The following SERAC1 variants were observed in gnomAD, a reference collection of about 807,000 sequenced individuals.
SERAC1 encodes protein SERAC1.
In SERAC1, 36 loss-of-function variants were observed where a neutral mutation model predicts 85.7. The ratio of observed to expected loss-of-function variants is 0.42; its 90% CI spans 0.32 to 0.55. The LOEUF (loss-of-function observed/expected upper bound fraction) is 0.55. SERAC1 is among the 20% of genes least tolerant of loss of function. SERAC1 has a pLI of 0.11. For synonymous variants in SERAC1, 242 were observed against 265.3 expected, an observed-to-expected ratio of 0.91 and a Z score of 0.85; for missense variants, 629 against 796.2, an observed-to-expected ratio of 0.79 and a Z score of 2.53.
chr6:158,147,768 C>CAAAAAAAAAAAAAAAAAAAAAAAAA (rs71027383), intron 5 of SERAC1, among the ~76,000 whole-genome samples: 1 of 68,934 alleles, frequency 1.5e-5, no homozygotes. Context: ...GGCTCTGTCT[C>CAAAAAAAAAAAAAAAAAAAAAAAAA]AAAAAAAAAA....
At chr6:158,154,198 C>T (rs1485552478) in intron 3 of SERAC1, among the ~76,000 whole-genome samples, 22 of 149,022 alleles carry the variant, frequency 1.5e-4, no homozygotes, top group Non-Finnish European at 2.5e-4. Context: ...CTGCTCTCTT[C>T]GGGATGTATC....
At position 158,116,344 on chromosome 6, in the gene SERAC1, A is replaced by C. The variant is rs1397321892; in HGVS notation, c.1404-62T>G. On this transcript the variant is annotated intron_variant, in intron 13 of 16. Coordinates refer to ENST00000647468, the MANE Select transcript of SERAC1 (RefSeq NM_032861.4). Reference sequence around the variant, plus strand: ...TATCGATCCCCTCAATTTGCTGTCTAATTTTTAGAGTTAAGAACTTTAGTC... The same window carrying C: ...TATCGATCCCCTCAATTTGCTGTCTCATTTTTAGAGTTAAGAACTTTAGTC... The C allele has an allele frequency of 2.9e-6, 4 of 1,361,864 alleles. No individual in the cohort carries two copies. In the East Asian group the frequency reaches 9.2e-5, roughly 31 times the overall value. The allele number at this position is 1,361,864 out of a possible 1,614,324, so 84.4% of individuals were successfully genotyped here.
intron 3 of SERAC1, among the ~76,000 whole-genome samples, chr6:158,153,379 G>A (rs1303853717): frequency 3.3e-5 from 5 of 152,094 alleles, no homozygotes; most frequent in Non-Finnish European, 5.9e-5. Flanking sequence ...TATTGAGAAC[G>A]TTTCTAGTTT....
chr6:158,121,744 T>C (rs138388488), intron 10 of SERAC1, among the ~76,000 whole-genome samples: 127 of 152,304 alleles, frequency 8.3e-4, no homozygotes, highest in African/African-American at 2.8e-3. Flanking sequence ...AAAAATTATA[T>C]CTATAGAGAT....
rs543967244 is a variant in SERAC1 at position 158,144,355 on chromosome 6, C to T, written c.553G>A (p.Glu185Lys). 16 of 1,613,460 alleles carry T rather than the reference C, an allele frequency of 9.9e-6. No homozygotes were observed. The highest frequency in any genetic ancestry group is 6.7e-5 in the African/African-American group (5 of 75,024). ...AGAAAAAAGCGAAGATCACTCTCTT[C>T]GCTTCGTGCCAAACCAATAAGAGTT... ...PKTLIGLARS[E>K]ESDLRFFLLP... The change falls in exon 7 of 17, where the codon GAA (glutamate) becomes AAA (lysine). Residue 185 changes from glutamate to lysine, a missense_variant. Physicochemically the swap from Glu to Lys is moderately conservative, Grantham distance 56. Transcript: ENST00000647468.
At chr6:158,116,411 C>G in intron 13 of SERAC1, 129 bp from the exon 14 acceptor site, 1 of 668,072 alleles carries the variant, frequency 1.5e-6, no homozygotes, top group East Asian at 2.8e-5. Context: ...GTAAGAAATA[C>G]CCCCATTCTC....
At chr6:158,123,318 C>T (rs1784462721) in intron 10 of SERAC1, among the ~76,000 whole-genome samples, 1 of 152,162 alleles carries the variant, frequency 6.6e-6, no homozygotes, top group Admixed American at 6.5e-5. Context: ...GTATACATTC[C>T]TGAGACTGTG....
At chr6:158,125,719 T>G (rs915466456) in intron 10 of SERAC1, among the ~76,000 whole-genome samples, 1 of 152,098 alleles carries the variant, frequency 6.6e-6, no homozygotes, top group Non-Finnish European at 1.5e-5. Flanking sequence ...ATAACAATGA[T>G]AATGTATTGT....
chr6:158,131,550 A>G (rs778312154), intron 8 of SERAC1, among the ~76,000 whole-genome samples: 10 of 151,248 alleles, frequency 6.6e-5, no homozygotes, highest in Non-Finnish European at 1.0e-4. Flanking sequence ...TCATAATGAG[A>G]GGCGTGCACA....
rs1486031208 is a variant in SERAC1 at position 158,120,646 on chromosome 6, A to C, written c.1016-71T>G. 6.6e-6 allele frequency: 10 copies of C among 1,514,086 alleles called. No individual in the cohort carries two copies. Among genetic ancestry groups the C allele is most frequent in the African/African-American group, 1.4e-5 (1 of 71,642 alleles). 93.8% of individuals were successfully genotyped at this position (1,514,086 alleles called of 1,614,324 possible). A position where few individuals can be genotyped will look rare whatever the true frequency, so the allele number is the denominator to read the frequency against. ...CAGACCACAGAGAGAGTGAGGTTTC[A>C]AACTGAATATGATGGGAGAAAGGCA... On this transcript the variant is annotated intron_variant, in intron 10 of 16. Coordinates refer to ENST00000647468, the MANE Select transcript of SERAC1 (RefSeq NM_032861.4). The surrounding 1 kb of genome is among the most constrained non-coding windows in gnomAD (Gnocchi z 4.4).
intron 3 of SERAC1, 70 bp from the exon 4 acceptor site, chr6:158,150,659 A>C: frequency 8.7e-7 from 1 of 1,149,342 alleles, no homozygotes; most frequent in South Asian, 1.3e-5. Flanking sequence ...ACTCTTCTCT[A>C]TTAAGCTTGT....
At chr6:158,125,060 C>T (rs1351017334) in intron 10 of SERAC1, among the ~76,000 whole-genome samples, 3 of 152,106 alleles carry the variant, frequency 2.0e-5, no homozygotes, top group Admixed American at 6.6e-5. Context: ...AAATGTCACA[C>T]GACTGTTCCT....
chr6:158,118,970 A>G (rs1784356913), intron 12 of SERAC1, 59 bp downstream of exon 12: 2 of 1,563,184 alleles, frequency 1.3e-6, no homozygotes, highest in South Asian at 1.2e-5. Flanking sequence ...GCAAGCCACA[A>G]TCAGGGCCCC....
At position 158,120,680 on chromosome 6, in the gene SERAC1, G is replaced by A. The variant is rs992762200; in HGVS notation, c.1016-105C>T. 13 of 1,246,466 alleles carry A rather than the reference G, an allele frequency of 1.0e-5. No homozygotes were observed. The highest frequency in any genetic ancestry group is 4.5e-5 in the South Asian group (3 of 66,650). The allele number at this position is 1,246,466 out of a possible 1,614,324, so 77.2% of individuals were successfully genotyped here. ...ATGATGGGAGAAAGGCAAACCTTGC[G>A]TGTCTGTCCTTGGCGGAGAAGTCCG... On this transcript the variant is annotated intron_variant, in intron 10 of 16. Transcript: ENST00000647468. This position sits in a 1 kb window ranked among gnomAD's most constrained non-coding sequence, Gnocchi z 4.4.
At position 158,148,787 on chromosome 6, in the gene SERAC1, A is replaced by G. The variant is rs1223499609; in HGVS notation, c.355+78T>C. ...ATAAAAAATATTAGTATAAGAAATGAAAAAAAGTATCAGGTTGATCATTCC... is the reference window on the plus strand; with the variant it reads ...ATAAAAAATATTAGTATAAGAAATGGAAAAAAGTATCAGGTTGATCATTCC... On this transcript the variant is annotated intron_variant, in intron 5 of 16. Coordinates refer to ENST00000647468, the MANE Select transcript of SERAC1 (RefSeq NM_032861.4). 11 of 1,047,896 alleles carry G rather than the reference A, an allele frequency of 1.0e-5. No individual in the cohort carries two copies. The East Asian group carries it at 2.8e-4, about 27-fold the overall frequency. 64.9% of individuals were successfully genotyped at this position (1,047,896 alleles called of 1,614,324 possible). A position where few individuals can be genotyped will look rare whatever the true frequency, so the allele number is the denominator to read the frequency against.
chr6:158,130,660 T>C (rs186381939), intron 8 of SERAC1, among the ~76,000 whole-genome samples, 174 bp from the exon 9 acceptor site: 1 of 152,288 alleles, frequency 6.6e-6, no homozygotes, highest in African/African-American at 2.4e-5. Flanking sequence ...GTTATCAGAA[T>C]AGAAAACATA....
At chr6:158,143,283 A>C in intron 7 of SERAC1, 99 bp from the exon 8 acceptor site, 1 of 1,356,026 alleles carries the variant, frequency 7.4e-7, no homozygotes, top group East Asian at 2.4e-5. Context: ...ATATATATCA[A>C]AGCCATATAT....
At chr6:158,158,223 T>C in intron 2 of SERAC1, 50 bp downstream of exon 2, 1 of 1,394,030 alleles carries the variant, frequency 7.2e-7, no homozygotes, top group Non-Finnish European at 1.0e-6. Flanking sequence ...ATGGCCACAA[T>C]TCTATCACTG....
At chr6:158,146,231 A>G (rs1476928350) in intron 6 of SERAC1, 1 of 152,274 alleles carries the variant, frequency 6.6e-6, no homozygotes, top group Non-Finnish European at 1.5e-5. Flanking sequence ...ACAAATATAT[A>G]TACCTCATTT....
Sources: allele counts gnomAD v4.1 joint callset (sites outside exome capture counted in the v4.1 genomes callset), GRCh38; gene constraint gnomAD v4.1.1; non-coding constraint Gnocchi (gnomAD v3.1); transcripts MANE v1.5; gene names NCBI Gene and HGNC (gene_info 2026-07-23, HGNC 2026-07-21).